The following ABLIM2 variants were observed in gnomAD, a reference collection of about 807,000 sequenced individuals.
The protein encoded by ABLIM2 is actin-binding LIM protein 2.
A neutral mutation model predicts 97.7 loss-of-function variants in ABLIM2; 53 were observed. That is an observed-to-expected ratio of 0.54 (90% CI 0.44 to 0.68). ABLIM2 has a LOEUF of 0.68. ABLIM2 is among the 30% of genes least tolerant of loss of function. The pLI is 0.00. For missense variants in ABLIM2, 835 were observed against 867.2 expected (o/e 0.96, Z 0.47); for synonymous variants, 361 against 345.8 (o/e 1.04, Z -0.49).
At chr4:8,053,858 CG>C (rs1293826634) in intron 8 of ABLIM2, among the ~76,000 whole-genome samples, 2 of 152,160 alleles carry the variant, frequency 1.3e-5, no homozygotes, top group Non-Finnish European at 2.9e-5. Context: ...CGTCCTGCCA[CG>C]GGACGGCTCT....
intron 1 of ABLIM2, among the ~76,000 whole-genome samples, chr4:8,121,057 C>G (rs924781423): frequency 3.3e-5 from 5 of 152,224 alleles, no homozygotes; most frequent in Admixed American, 3.3e-4. Context: ...CACACGCCAT[C>G]CCTGCAGGTG....
chr4:8,070,291 T>C (rs1434203726), intron 6 of ABLIM2, among the ~76,000 whole-genome samples: 1 of 151,598 alleles, frequency 6.6e-6, no homozygotes, highest in African/African-American at 2.4e-5. Context: ...TGTGTATATC[T>C]CGTGTGTGTC....
At chr4:8,089,489 C>T (rs1429404065) in intron 3 of ABLIM2, among the ~76,000 whole-genome samples, 1 of 152,120 alleles carries the variant, frequency 6.6e-6, no homozygotes, top group Non-Finnish European at 1.5e-5. Flanking sequence ...AATCCCAGCA[C>T]TTTGGGAGGC....
intron 8 of ABLIM2, among the ~76,000 whole-genome samples, chr4:8,051,561 T>TC (rs1796066654): frequency 3.1e-5 from 1 of 32,650 alleles, no homozygotes; most frequent in South Asian, 9.2e-4. Context: ...AGATTCCATC[T>TC]CAAAAAAAAA....
At chr4:8,052,920 C>T (rs1287792357) in intron 8 of ABLIM2, among the ~76,000 whole-genome samples, 69 of 152,144 alleles carry the variant, frequency 4.5e-4, no homozygotes, top group Admixed American at 4.4e-3. Context: ...ACCCCACATT[C>T]GAGAGTAAGT....
At chr4:8,079,435 T>C (rs1304711624) in intron 5 of ABLIM2, among the ~76,000 whole-genome samples, 1 of 152,162 alleles carries the variant, frequency 6.6e-6, no homozygotes, top group Non-Finnish European at 1.5e-5. Flanking sequence ...TATATTAAAG[T>C]GCTGCGTGCA....
In ABLIM2 at chr4:8,009,080, C is replaced by T. The variant is rs1311703718; in HGVS notation, c.1446G>A (p.Glu482=). Residue 482 remains glutamate (E), a synonymous_variant, in exon 15 of 21, where the codon GAG becomes GAA. Coordinates refer to ENST00000447017, the MANE Select transcript of ABLIM2 (RefSeq NM_001130083.2). ...RQHAARRSDG[E]DGSLDQDNRK... ...TGTTATCCTGGTCCAAGCTTCCATC[C>T]TCCCCATCCGATCGCCTGGCAGCTG... 9 of 1,613,916 alleles carry T rather than the reference C, an allele frequency of 5.6e-6. No homozygotes were observed. Among genetic ancestry groups the T allele is most frequent in the Non-Finnish European group, 7.6e-6 (9 of 1,179,912 alleles).
In ABLIM2 at chr4:7,999,087, C is replaced by T. The variant is rs952550400; in HGVS notation, c.1619-6160G>A. On this transcript the variant is annotated intron_variant, in intron 16 of 20. Coordinates refer to ENST00000447017, the MANE Select transcript of ABLIM2 (RefSeq NM_001130083.2). This position sits in a 1 kb window ranked among gnomAD's most constrained non-coding sequence, Gnocchi z 4.4. ...GGTTTATTTATTTTATTTTTTGAGA[C>T]GGAGTTTTGTTCTTGTTCCCCGGGC... Among the ~76,000 whole-genome samples, 20 of 152,080 alleles carry T rather than the reference C, an allele frequency of 1.3e-4. No individual in the cohort carries two copies. Among genetic ancestry groups the T allele is most frequent in the Admixed American group, 7.9e-4 (12 of 15,248 alleles).
In ABLIM2 at chr4:7,970,771, C is replaced by T. The variant is rs989314581; in HGVS notation, c.1825-3668G>A. On this transcript the variant is annotated intron_variant, in intron 20 of 20. Transcript: ENST00000447017. The surrounding 1 kb of genome is among the most constrained non-coding windows in gnomAD (Gnocchi z 5.3). ...TGGGAGTGTGGCACTGGGACTGGGACGCTCCATCACCAGAGGCCCTGGGGA... is the reference window on the plus strand; with the variant it reads ...TGGGAGTGTGGCACTGGGACTGGGATGCTCCATCACCAGAGGCCCTGGGGA... Among the ~76,000 whole-genome samples the T allele has an allele frequency of 6.6e-6, 1 of 151,836 alleles. No individual in the cohort carries two copies. Among genetic ancestry groups the T allele is most frequent in the Non-Finnish European group, 1.5e-5 (1 of 67,946 alleles).
intron 2 of ABLIM2, among the ~76,000 whole-genome samples, chr4:8,099,806 C>G (rs1235730434): frequency 1.3e-5 from 2 of 152,166 alleles, no homozygotes; most frequent in Admixed American, 1.3e-4. Flanking sequence ...GATCGCGCCA[C>G]TGCACTCCAG....
intron 20 of ABLIM2, among the ~76,000 whole-genome samples, chr4:7,968,633 T>A (rs1337250739): frequency 6.6e-6 from 1 of 151,990 alleles, no homozygotes; most frequent in Admixed American, 6.6e-5. Flanking sequence ...AACAGGCAAG[T>A]CCATAGAGAC....
intron 3 of ABLIM2, among the ~76,000 whole-genome samples, chr4:8,090,177 T>C (rs1429226867): frequency 6.6e-6 from 1 of 152,136 alleles, no homozygotes; most frequent in Non-Finnish European, 1.5e-5. Flanking sequence ...GTTGCCACCG[T>C]GTCAATGCTA....
intron 3 of ABLIM2, among the ~76,000 whole-genome samples, chr4:8,089,197 G>A (rs866599266): frequency 2.6e-5 from 4 of 152,312 alleles, no homozygotes; most frequent in Admixed American, 6.5e-5. Flanking sequence ...CCTGCAGTCC[G>A]GGGATGTCTT....
chr4:8,114,407 G>T (rs2176435), intron 1 of ABLIM2, among the ~76,000 whole-genome samples: 4 of 152,054 alleles, frequency 2.6e-5, no homozygotes, highest in Non-Finnish European at 5.9e-5. Flanking sequence ...CTGTCTTTTC[G>T]GGGACTTACA....
chr4:8,042,274 A>T (rs1340486663), intron 9 of ABLIM2, among the ~76,000 whole-genome samples: 1 of 152,146 alleles, frequency 6.6e-6, no homozygotes, highest in Non-Finnish European at 1.5e-5. Flanking sequence ...GTTCCTCCCC[A>T]AAGCCAGCCA....
intron 20 of ABLIM2, among the ~76,000 whole-genome samples, chr4:7,980,938 C>CTTGTTTTTTTTTTTTTT (rs1255215577): frequency 2.6e-5 from 1 of 38,496 alleles, no homozygotes; most frequent in Non-Finnish European, 5.4e-5. Flanking sequence ...TCCACAACCC[C>CTTGTTTTTTTTTTTTTT]TTATTTTTTT....
chr4:8,081,343 G>C (rs1427555170), intron 4 of ABLIM2, among the ~76,000 whole-genome samples: 1 of 152,130 alleles, frequency 6.6e-6, no homozygotes, highest in Admixed American at 6.5e-5. Context: ...TGGCCTCCTG[G>C]TGCCCTCTCT....
intron 2 of ABLIM2, among the ~76,000 whole-genome samples, chr4:8,101,337 C>T (rs975493033): frequency 2.0e-5 from 3 of 152,236 alleles, no homozygotes; most frequent in South Asian, 2.1e-4. Flanking sequence ...TCTTGACACT[C>T]GTGCCCTGTG....
At chr4:7,980,131 A>C (rs1736811395) in intron 20 of ABLIM2, among the ~76,000 whole-genome samples, 1 of 152,176 alleles carries the variant, frequency 6.6e-6, no homozygotes, top group Non-Finnish European at 1.5e-5. Context: ...TGGCTGATTG[A>C]GGAGGAATGA....
Sources: allele counts gnomAD v4.1 joint callset (sites outside exome capture counted in the v4.1 genomes callset), GRCh38; gene constraint gnomAD v4.1.1; non-coding constraint Gnocchi (gnomAD v3.1); transcripts MANE v1.5; gene names NCBI Gene and HGNC (gene_info 2026-07-23, HGNC 2026-07-21).